PARD3B: variants seen among roughly 807,000 people sequenced by gnomAD.
PARD3B encodes the protein partitioning defective 3 homolog B.
PARD3B carries 103 observed loss-of-function variants against 130.2 expected under a neutral mutation model. The observed-to-expected ratio is 0.79, with a 90% CI of 0.67 to 0.93. PARD3B has a LOEUF of 0.93. Among genes scored for constraint, PARD3B ranks in the 40% least tolerant of loss-of-function variants. The probability of loss-of-function intolerance (pLI) is 0.00; values close to 1 mark genes in which losing one functional copy is unlikely to be tolerated. For missense variants in PARD3B, 1,609 were observed against 1,499.2 expected (o/e 1.07, Z -1.21); for synonymous variants, 583 against 553.2 (o/e 1.05, Z -0.76).
intron 20 of PARD3B, among the ~76,000 whole-genome samples, chr2:205,448,850 A>G (rs59872493): frequency 6.6e-6 from 1 of 152,276 alleles, no homozygotes; most frequent in East Asian, 1.9e-4. Context: ...CCATTGATTT[A>G]CCACTCTGGT....
At chr2:204,894,068 A>AG (rs1168894404) in intron 2 of PARD3B, among the ~76,000 whole-genome samples, 2 of 151,844 alleles carry the variant, frequency 1.3e-5, no homozygotes, top group Non-Finnish European at 2.9e-5. Flanking sequence ...AAAAAAAAAA[A>AG]GTTAATTGCC....
intron 18 of PARD3B, among the ~76,000 whole-genome samples, chr2:205,302,753 T>C (rs1420183013): frequency 6.6e-6 from 1 of 152,074 alleles, no homozygotes; most frequent in Non-Finnish European, 1.5e-5. Context: ...ACAGGGGAGA[T>C]GTCACTGGGT....
chr2:205,050,593 A>G (rs1214243365), intron 4 of PARD3B, among the ~76,000 whole-genome samples: 4 of 152,158 alleles, frequency 2.6e-5, no homozygotes, highest in Admixed American at 6.5e-5. Context: ...TGAAGCATAA[A>G]CAAAATAACA....
At chr2:204,850,762 A>G (rs1329430375) in intron 2 of PARD3B, among the ~76,000 whole-genome samples, 4 of 152,300 alleles carry the variant, frequency 2.6e-5, no homozygotes, top group East Asian at 1.9e-4. Flanking sequence ...ATGAGTTTGC[A>G]TAGTTTGTGA....
intron 10 of PARD3B, among the ~76,000 whole-genome samples, chr2:205,148,009 C>G (rs2033488210): frequency 6.6e-6 from 1 of 151,926 alleles, no homozygotes; most frequent in Admixed American, 6.6e-5. Context: ...CATACATAGT[C>G]TATATTCTAA....
chr2:205,435,761 T>G (rs1028012154), intron 19 of PARD3B, among the ~76,000 whole-genome samples: 4 of 152,134 alleles, frequency 2.6e-5, no homozygotes, highest in Non-Finnish European at 5.9e-5. Flanking sequence ...GTGATTTTCA[T>G]TAGTTTTTTC....
At position 204,718,422 on chromosome 2, in the gene PARD3B, G is replaced by A. The variant is rs900200268; in HGVS notation, c.222+32140G>A. Among the ~76,000 whole-genome samples, 8 of 152,146 alleles carry A rather than the reference G, an allele frequency of 5.3e-5. 1 individual carries two copies. Among genetic ancestry groups the A allele is most frequent in the African/African-American group, 1.2e-4 (5 of 41,426 alleles). ...GGGAAGCAGGTACCTTCTTCACAAG[G>A]TGGCAGGAGAGAGGAGACAGCAGGG... On this transcript the variant is annotated intron_variant, in intron 2 of 22. Transcript: ENST00000406610.
rs1491092689 is a variant in PARD3B at position 205,057,607 on chromosome 2, G to GTATACGTATATATATACATA, written c.504+9920_504+9921insACGTATATATATACATATAT. 8.9e-4 allele frequency among the ~76,000 whole-genome samples: 61 copies of GTATACGTATATATATACATA among 68,458 alleles called. 5 individuals are homozygous for GTATACGTATATATATACATA. The highest frequency in any genetic ancestry group is 3.4e-3 in the African/African-American group (59 of 17,144). The allele number at this position is 68,458 out of a possible 152,430, so 44.9% of individuals were successfully genotyped here. On this transcript the variant is annotated intron_variant, in intron 4 of 22. Coordinates refer to ENST00000406610, the MANE Select transcript of PARD3B (RefSeq NM_001302769.2). ...TGTATACGTATATATACATATATGT[G>GTATACGTATATATATACATA]TATGTGTATGTGTATACGTATATAT...
intron 19 of PARD3B, among the ~76,000 whole-genome samples, chr2:205,414,832 A>G (rs2046719654): frequency 1.3e-5 from 2 of 152,094 alleles, no homozygotes; most frequent in African/African-American, 2.4e-5. Flanking sequence ...CTAAAAATAT[A>G]TATATTCTAG....
chr2:204,552,089 A>G (rs1332400092), intron 1 of PARD3B, among the ~76,000 whole-genome samples: 1 of 152,222 alleles, frequency 6.6e-6, no homozygotes, highest in Non-Finnish European at 1.5e-5. Context: ...CTTAGTGGAC[A>G]GTTCAGATCC....
At chr2:205,031,955 T>C (rs940814904) in intron 3 of PARD3B, among the ~76,000 whole-genome samples, 5 of 152,172 alleles carry the variant, frequency 3.3e-5, no homozygotes, top group East Asian at 1.9e-4. Context: ...CAAAAATCTA[T>C]CTGTGGAAAA....
chr2:205,372,386 T>C (rs2044857076), intron 18 of PARD3B, among the ~76,000 whole-genome samples: 1 of 152,214 alleles, frequency 6.6e-6, no homozygotes, highest in South Asian at 2.1e-4. Flanking sequence ...TGGTGTCTCA[T>C]TGTGGCTTTG....
intron 16 of PARD3B, among the ~76,000 whole-genome samples, chr2:205,289,427 A>C (rs1211492547): frequency 6.6e-6 from 1 of 152,184 alleles, no homozygotes; most frequent in African/African-American, 2.4e-5. Flanking sequence ...TATCATGTTC[A>C]AAGTTCTGTA....
chr2:204,937,981 T>C (rs1175035146), intron 2 of PARD3B, among the ~76,000 whole-genome samples: 1 of 152,204 alleles, frequency 6.6e-6, no homozygotes, highest in African/African-American at 2.4e-5. Context: ...AGAGAACTTC[T>C]TGGAATAGAG....
At chr2:204,809,862 TTCTA>T (rs1299963296) in intron 2 of PARD3B, among the ~76,000 whole-genome samples, 3 of 152,320 alleles carry the variant, frequency 2.0e-5, no homozygotes, top group Non-Finnish European at 2.9e-5. Flanking sequence ...TATTGATTCT[TTCTA>T]TCCATGAGCA....
chr2:205,475,538 A>T (rs527743872), intron 20 of PARD3B, among the ~76,000 whole-genome samples: 1 of 152,284 alleles, frequency 6.6e-6, no homozygotes, highest in South Asian at 2.1e-4. Context: ...GTCACATTTT[A>T]TAGGATTTAT....
At chr2:204,842,254 A>T (rs2044284505) in intron 2 of PARD3B, among the ~76,000 whole-genome samples, 2 of 152,130 alleles carry the variant, frequency 1.3e-5, no homozygotes, top group South Asian at 4.1e-4. Context: ...AAATGAGGTG[A>T]TATAAAACTC....
intron 2 of PARD3B, among the ~76,000 whole-genome samples, chr2:204,766,047 T>G (rs1035958856): frequency 1.3e-5 from 2 of 152,218 alleles, no homozygotes; most frequent in African/African-American, 2.4e-5. Context: ...GTGATTGTCT[T>G]TCCTCCCAAA....
At chr2:205,319,108 A>G (rs530484745) in intron 18 of PARD3B, among the ~76,000 whole-genome samples, 6 of 152,256 alleles carry the variant, frequency 3.9e-5, no homozygotes, top group South Asian at 2.1e-4. Context: ...TTGATTTTCA[A>G]TAGCCTCTCC....
Sources: allele counts gnomAD v4.1 joint callset (sites outside exome capture counted in the v4.1 genomes callset), GRCh38; gene constraint gnomAD v4.1.1; transcripts MANE v1.5; gene names NCBI Gene and HGNC (gene_info 2026-07-23, HGNC 2026-07-21).